HTR4: variants seen among roughly 807,000 people sequenced by gnomAD.
HTR4 encodes 5-hydroxytryptamine (serotonin) receptor 4, G protein-coupled.
Under a neutral mutation model 36.8 loss-of-function variants are expected in HTR4, and 16 were observed. The ratio of observed to expected loss-of-function variants is 0.43; its 90% CI spans 0.29 to 0.66. The LOEUF (loss-of-function observed/expected upper bound fraction) is 0.66. HTR4 is among the 30% of genes least tolerant of loss of function. HTR4 has a pLI of 0.13. For synonymous variants in HTR4, 189 were observed against 185.1 expected, an observed-to-expected ratio of 1.02 and a Z score of -0.17; for missense variants, 438 against 490.9, an observed-to-expected ratio of 0.89 and a Z score of 1.02.
At chr5:148,527,811 G>T (rs191924503) in intron 4 of HTR4, among the ~76,000 whole-genome samples, 10 of 152,060 alleles carry the variant, frequency 6.6e-5, no homozygotes, top group Non-Finnish European at 8.8e-5. Flanking sequence ...ACAGGGTTTC[G>T]CTATGTTGGC....
In HTR4 at chr5:148,629,468, A is replaced by G. The variant is rs772991795; in HGVS notation, c.26+7521T>C. The G allele has an allele frequency of 2.2e-4, 34 of 152,146 alleles. 1 individual carries two copies. Among genetic ancestry groups the G allele is most frequent in the Admixed American group, 1.4e-3 (22 of 15,264 alleles). 9.4% of individuals were successfully genotyped at this position (152,146 alleles called of 1,614,324 possible). ...ATTATCAAGGAGCTTCTGCTTTACT[A>G]AAGTCCAGGGGGAAGCTTTGAGGCC... On this transcript the variant is annotated intron_variant, in intron 2 of 6. Transcript: ENST00000377888.
chr5:148,534,647 T>C (rs1758726180), intron 4 of HTR4, among the ~76,000 whole-genome samples: 1 of 152,076 alleles, frequency 6.6e-6, no homozygotes, highest in African/African-American at 2.4e-5. Context: ...CAAGCTGCAC[T>C]TGACCCAAGG....
chr5:148,537,916 G>T (rs1758910797), intron 4 of HTR4, among the ~76,000 whole-genome samples: 1 of 152,048 alleles, frequency 6.6e-6, no homozygotes, highest in African/African-American at 2.4e-5. Flanking sequence ...CCAACACCTG[G>T]CAGAGAAACA....
chr5:148,626,444 A>C (rs928803233), intron 2 of HTR4, among the ~76,000 whole-genome samples: 2 of 152,220 alleles, frequency 1.3e-5, no homozygotes, highest in African/African-American at 4.8e-5. Flanking sequence ...TCATAACCCT[A>C]ATGAGTCATA....
chr5:148,605,256 C>CTTTTTTTTTTTTT (rs869039969), intron 2 of HTR4, among the ~76,000 whole-genome samples: 1 of 42,652 alleles, frequency 2.3e-5, no homozygotes, highest in Non-Finnish European at 4.2e-5. Context: ...CTTTTCTTTT[C>CTTTTTTTTTTTTT]TTTTTTTTTT....
At chr5:148,572,864 C>T (rs1398370853) in intron 2 of HTR4, among the ~76,000 whole-genome samples, 1 of 152,040 alleles carries the variant, frequency 6.6e-6, no homozygotes, top group Non-Finnish European at 1.5e-5. Context: ...GCTATGGATT[C>T]TAAAAGATAT....
chr5:148,484,129 G>A (rs766567078), intron 6 of HTR4: 1 of 950,306 alleles, frequency 1.1e-6, no homozygotes, highest in Non-Finnish European at 1.5e-6. Context: ...TAGACCTTAA[G>A]TTTTTTGCAA....
intron 1 of HTR4, among the ~76,000 whole-genome samples, chr5:148,641,587 T>C (rs547217024): frequency 6.6e-6 from 1 of 152,338 alleles, no homozygotes; most frequent in Non-Finnish European, 1.5e-5. Flanking sequence ...ATTTTATCCA[T>C]CATAAAAGTA....
At chr5:148,520,601 C>T (rs1231906869) in intron 5 of HTR4, among the ~76,000 whole-genome samples, 9 of 152,140 alleles carry the variant, frequency 5.9e-5, no homozygotes, top group Non-Finnish European at 1.0e-4. Flanking sequence ...ATCCTCTGTT[C>T]GCTGATCTAT....
chr5:148,530,741 C>T (rs1581432280), intron 4 of HTR4, among the ~76,000 whole-genome samples: 1 of 152,298 alleles, frequency 6.6e-6, no homozygotes, highest in South Asian at 2.1e-4. Flanking sequence ...TTGCACTGTG[C>T]ACCTTGAAAA....
intron 2 of HTR4, among the ~76,000 whole-genome samples, chr5:148,566,122 G>T (rs545484137): frequency 1.3e-5 from 2 of 152,186 alleles, no homozygotes; most frequent in Non-Finnish European, 2.9e-5. Flanking sequence ...CTATATTTGG[G>T]TATTGGTTAC....
At chr5:148,652,013 T>A (rs1304172370) in intron 1 of HTR4, among the ~76,000 whole-genome samples, 1 of 152,198 alleles carries the variant, frequency 6.6e-6, no homozygotes, top group Non-Finnish European at 1.5e-5. Context: ...AGAAACTTGA[T>A]CTATGTCACT....
intron 5 of HTR4, among the ~76,000 whole-genome samples, chr5:148,458,316 C>G (rs1454308899): frequency 6.6e-6 from 1 of 151,652 alleles, no homozygotes; most frequent in Non-Finnish European, 1.5e-5. Flanking sequence ...GAACACAAAT[C>G]CTAGACATTT....
intron 5 of HTR4, among the ~76,000 whole-genome samples, chr5:148,454,229 C>T (rs1273391040): frequency 6.6e-6 from 1 of 152,176 alleles, no homozygotes; most frequent in Non-Finnish European, 1.5e-5. Context: ...GTTAATGATA[C>T]CTACCACATA....
intron 1 of HTR4, among the ~76,000 whole-genome samples, chr5:148,651,678 T>C (rs1023484197): frequency 1.3e-5 from 2 of 152,148 alleles, no homozygotes; most frequent in Non-Finnish European, 1.5e-5. Flanking sequence ...CTGCATGCTG[T>C]GAAGTTACCT....
At chr5:148,472,640 G>C (rs1439198576), downstream of HTR4, among the ~76,000 whole-genome samples, 1 of 152,182 alleles carries the variant, frequency 6.6e-6, no homozygotes, top group Non-Finnish European at 1.5e-5. Context: ...AAACAGGTCA[G>C]GGTAGGCTCC....
chr5:148,536,315 C>T (rs868307440), intron 4 of HTR4, among the ~76,000 whole-genome samples: 24 of 152,024 alleles, frequency 1.6e-4, no homozygotes, highest in Middle Eastern at 6.8e-3. Context: ...ATATATAAAG[C>T]AACTACACAA....
At chr5:148,634,461 G>C (rs10477388) in intron 2 of HTR4, among the ~76,000 whole-genome samples, 1 of 152,168 alleles carries the variant, frequency 6.6e-6, no homozygotes, top group African/African-American at 2.4e-5. Flanking sequence ...TTATGTCTCA[G>C]TTGACACACA....
chr5:148,646,082 A>G (rs1285114620), intron 1 of HTR4: 4 of 152,262 alleles, frequency 2.6e-5, no homozygotes, highest in African/African-American at 7.2e-5. Flanking sequence ...ATATCTAAAA[A>G]TCACATGGAA....
Sources: gnomAD v4.1 joint callset for allele counts (sites outside exome capture counted in the v4.1 genomes callset) on GRCh38, gnomAD v4.1.1 for gene constraint, MANE v1.5 for transcripts, NCBI Gene and HGNC (gene_info 2026-07-23, HGNC 2026-07-21) for gene names.